The following ANO2 variants were observed in gnomAD, a reference collection of about 807,000 sequenced individuals.
The protein encoded by ANO2 is anoctamin-2.
Under a neutral mutation model 124.2 loss-of-function variants are expected in ANO2, and 101 were observed. The ratio of observed to expected loss-of-function variants is 0.81; its 90% CI spans 0.69 to 0.96. The LOEUF is 0.96. Among genes scored for constraint, ANO2 ranks in the 40% least tolerant of loss-of-function variants. The pLI, the probability that ANO2 is intolerant of heterozygous loss-of-function variation, is 0.00. For synonymous variants in ANO2, 486 were observed against 482.5 expected, an observed-to-expected ratio of 1.01 and a Z score of -0.09; for missense variants, 1,293 against 1,274.5, an observed-to-expected ratio of 1.01 and a Z score of -0.22.
intron 3 of ANO2, among the ~76,000 whole-genome samples, chr12:5,918,331 T>A (rs4764530): frequency 3.9e-5 from 6 of 152,008 alleles, no homozygotes; most frequent in Non-Finnish European, 7.4e-5. Context: ...GCCAGCACCA[T>A]GAGGCATGAG....
chr12:5,613,099 T>C, intron 17 of ANO2, 141 bp from the exon 18 acceptor site: 2 of 782,786 alleles, frequency 2.6e-6, no homozygotes. Context: ...CACTCAGGGA[T>C]AGGAGTGCAC....
intron 16 of ANO2, among the ~76,000 whole-genome samples, chr12:5,618,711 G>A (rs1944963499): frequency 6.6e-6 from 1 of 152,162 alleles, no homozygotes; most frequent in African/African-American, 2.4e-5. Flanking sequence ...AGAAATATTT[G>A]TACTTGGCAG....
At chr12:5,879,245 G>A (rs532554115) in intron 3 of ANO2, among the ~76,000 whole-genome samples, 7 of 145,044 alleles carry the variant, frequency 4.8e-5, no homozygotes, top group African/African-American at 9.8e-5. Flanking sequence ...AGATGAAGCC[G>A]CAGGCAGGTA....
intron 19 of ANO2, among the ~76,000 whole-genome samples, chr12:5,608,466 T>C (rs1256277796): frequency 3.9e-5 from 6 of 151,956 alleles, no homozygotes; most frequent in Non-Finnish European, 8.8e-5. Flanking sequence ...AGGAAACATC[T>C]TTTGAAAGAG....
At position 5,618,739 on chromosome 12, in the gene ANO2, C is replaced by G. The variant is rs183032773; in HGVS notation, c.1817-3442G>C. Among the ~76,000 whole-genome samples the G allele has an allele frequency of 2.6e-5, 4 of 152,320 alleles. No individual in the cohort carries two copies. In the East Asian group the frequency reaches 7.7e-4, roughly 29 times the overall value. On this transcript the variant is annotated intron_variant, in intron 16 of 24. Transcript: ENST00000682330. Reference sequence around the variant, plus strand: ...CTTGGCAGGTCACATTCATCAAGCACCAGCTGTGTGTCAGGTGCCAGGCCA... The same window carrying G: ...CTTGGCAGGTCACATTCATCAAGCAGCAGCTGTGTGTCAGGTGCCAGGCCA...
At chr12:5,917,558 CTTTTTTCTTT>C (rs1941454007) in intron 3 of ANO2, among the ~76,000 whole-genome samples, 1 of 104,406 alleles carries the variant, frequency 9.6e-6, no homozygotes. Flanking sequence ...TTATTATTCT[CTTTTTTCTTT>C]TTTTTTTTTT....
intron 20 of ANO2, among the ~76,000 whole-genome samples, chr12:5,589,775 C>T (rs540985882): frequency 1.3e-5 from 2 of 152,186 alleles, no homozygotes; most frequent in African/African-American, 4.8e-5. Context: ...CAGGCAAGCC[C>T]AGGGCCGGGA....
intron 7 of ANO2, among the ~76,000 whole-genome samples, chr12:5,808,356 T>C (rs888724213): frequency 6.6e-6 from 1 of 152,222 alleles, no homozygotes; most frequent in Non-Finnish European, 1.5e-5. Context: ...CGTCGTTATT[T>C]ACTTGTTTCA....
At chr12:5,583,054 C>A (rs1942842771) in intron 20 of ANO2, among the ~76,000 whole-genome samples, 1 of 152,206 alleles carries the variant, frequency 6.6e-6, no homozygotes, top group Non-Finnish European at 1.5e-5. Flanking sequence ...TTTTCCAAGT[C>A]CTCACTCACC....
intron 12 of ANO2, among the ~76,000 whole-genome samples, chr12:5,743,496 T>TGC (rs10684538): frequency 6.6e-6 from 1 of 151,612 alleles, no homozygotes; most frequent in Non-Finnish European, 1.5e-5. Context: ...TGTGTGTGTG[T>TGC]ATCTGTGTGT....
chr12:5,801,507 A>C (rs979058508), intron 9 of ANO2, among the ~76,000 whole-genome samples: 1 of 152,240 alleles, frequency 6.6e-6, no homozygotes, highest in African/African-American at 2.4e-5. Flanking sequence ...AGCCCATCTG[A>C]ACATCAGCCC....
chr12:5,873,466 G>A (rs760692985), intron 3 of ANO2, among the ~76,000 whole-genome samples: 8 of 152,154 alleles, frequency 5.3e-5, no homozygotes, highest in Non-Finnish European at 8.8e-5. Flanking sequence ...TCCAGGACCC[G>A]TCCACATCCC....
intron 3 of ANO2, among the ~76,000 whole-genome samples, chr12:5,892,811 G>C (rs1216132694): frequency 6.6e-6 from 1 of 152,058 alleles, no homozygotes; most frequent in African/African-American, 2.4e-5. Flanking sequence ...TGTACCAAAA[G>C]GAAACTTAGA....
intron 3 of ANO2, among the ~76,000 whole-genome samples, chr12:5,863,665 C>T (rs7485776): frequency 0.73 from 111,756 of 152,100 alleles, 41,625 homozygotes; most frequent in East Asian, 0.98. Context: ...GTTTTGAACA[C>T]ATGTCAAAAC....
chr12:5,946,118 T>A, upstream of ANO2: 8 of 1,611,522 alleles, frequency 5.0e-6, no homozygotes, highest in Non-Finnish European at 6.8e-6. The surrounding 1 kb of genome is among the most constrained non-coding windows in gnomAD (Gnocchi z 4.1). Flanking sequence ...AAGTACTATG[T>A]TAAGGTCAAG....
intron 7 of ANO2, among the ~76,000 whole-genome samples, chr12:5,823,358 C>T (rs935265781): frequency 7.9e-5 from 12 of 152,244 alleles, no homozygotes; most frequent in East Asian, 3.9e-4. Flanking sequence ...TAGTTACTTC[C>T]GAGATAAAAT....
At chr12:5,911,469 G>A (rs1591780888) in intron 3 of ANO2, among the ~76,000 whole-genome samples, 5 of 152,260 alleles carry the variant, frequency 3.3e-5, no homozygotes, top group Admixed American at 2.0e-4. Context: ...GAAGAGGGAC[G>A]ATTAGCAAGA....
intron 20 of ANO2, among the ~76,000 whole-genome samples, chr12:5,580,879 G>A (rs1470128181): frequency 2.0e-5 from 3 of 152,104 alleles, no homozygotes; most frequent in Non-Finnish European, 2.9e-5. Context: ...AGTGCTGGTC[G>A]GTAGCAAGAC....
chr12:5,581,682 G>A (rs984255719), intron 20 of ANO2, among the ~76,000 whole-genome samples: 3 of 152,098 alleles, frequency 2.0e-5, no homozygotes, highest in Admixed American at 6.5e-5. Flanking sequence ...ATAACAAAAT[G>A]TCCCTCCTCC....
Sources: gnomAD v4.1 joint callset for allele counts (sites outside exome capture counted in the v4.1 genomes callset) on GRCh38, gnomAD v4.1.1 for gene constraint, Gnocchi (gnomAD v3.1) non-coding constraint, MANE v1.5 for transcripts, NCBI Gene and HGNC (gene_info 2026-07-23, HGNC 2026-07-21) for gene names.